The following EPRS1 variants were observed in gnomAD, a reference collection of about 807,000 sequenced individuals.
EPRS1 encodes the protein glutamyl-prolyl-tRNA synthetase 1.
EPRS1 carries 107 observed loss-of-function variants against 188.3 expected under a neutral mutation model. The observed-to-expected ratio is 0.57, with a 90% confidence interval of 0.49 to 0.67. The LOEUF is 0.67. Among genes scored for constraint, EPRS1 ranks in the 30% least tolerant of loss-of-function variants. The pLI, the probability that EPRS1 is intolerant of heterozygous loss-of-function variation, is 0.00. For missense variants in EPRS1, 1,577 were observed against 1,802.2 expected (o/e 0.88, Z 2.26); for synonymous variants, 596 against 593.1 (o/e 1.00, Z -0.07).
rs1341035529 is a variant in EPRS1, at chr1:220,046,452, C to T, written c.-64G>A. On this transcript the variant is annotated 5_prime_UTR_variant, in exon 1 of 32. Coordinates refer to ENST00000366923, the MANE Select transcript of EPRS1 (RefSeq NM_004446.3). ...CTCGTGCCAGAACTACGGAGGACCC[C>T]GCGAAAGGAAGAAGATGCAACGTGT... 6.2e-6 allele frequency: 10 copies of T among 1,602,764 alleles called. No homozygotes were observed. Among genetic ancestry groups the T allele is most frequent in the Non-Finnish European group, 8.5e-6 (10 of 1,175,568 alleles).
chr1:219,982,347 AAC>A (rs1660915120), intron 23 of EPRS1, among the ~76,000 whole-genome samples: 2 of 152,192 alleles, frequency 1.3e-5, no homozygotes, highest in African/African-American at 4.8e-5. Context: ...TTGTAAGAAT[AAC>A]ACGAGATGAC....
At position 220,038,390 on chromosome 1, in the gene EPRS1, C is replaced by CTTTTTTTTTT. The variant is rs71169431; in HGVS notation, c.131+1785_131+1794dup. Among the ~76,000 whole-genome samples the CTTTTTTTTTT allele has an allele frequency of 8.9e-5, 9 of 101,556 alleles. 1 individual carries two copies. The highest frequency in any genetic ancestry group is 2.1e-4 in the African/African-American group (5 of 23,894). The allele number at this position is 101,556 out of a possible 152,430, so 66.6% of individuals were successfully genotyped here. A position where few individuals can be genotyped will look rare whatever the true frequency, so the allele number is the denominator to read the frequency against. ...AGCCACCACACCCAGCTCAGTTTAT[C>CTTTTTTTTTT]TTTTTTTTTTTTTTTTTTGAGACAG... On this transcript the variant is annotated intron_variant, in intron 2 of 31. Transcript: ENST00000366923.
rs770155747 is a variant in EPRS1, at chr1:219,980,233, T to C, written c.3563A>G (p.Gln1188Arg). ...TACCTGAGCATATAAGTCAAGTATC[T>C]GCAAGACCTGTAACATTTTAAATGT... ...TMEEAAEEVL[Q>R]ILDLYAQVYE... Residue 1188 changes from glutamine to arginine, a missense_variant, in exon 26 of 32, where the codon CAG becomes CGG. Gln to Arg is a conservative substitution (Grantham distance 43, BLOSUM62 1). This residue lies in a region of EPRS1 where 1,278 missense variants were observed against 1,457.4 expected (regional missense o/e 0.88). Coordinates refer to ENST00000366923, the MANE Select transcript of EPRS1 (RefSeq NM_004446.3). 4 of 1,609,790 alleles carry C rather than the reference T, an allele frequency of 2.5e-6. No homozygotes were observed. The highest frequency in any genetic ancestry group is 1.1e-5 in the South Asian group (1 of 90,862).
rs772190916 is a variant in EPRS1 at position 219,968,832 on chromosome 1, A to T, written c.4513T>A (p.Tyr1505Asn). 1.2e-6 allele frequency: 2 copies of T among 1,614,176 alleles called. No homozygotes were observed. The highest frequency in any genetic ancestry group is 1.7e-4 in the Middle Eastern group (1 of 6,060). The change falls in exon 32 of 32, where the codon TAC (tyrosine) becomes AAC (asparagine). Residue 1505 changes from tyrosine to asparagine, a missense_variant. By Grantham distance (143) the Tyr-to-Asn change is moderately radical. This residue lies in a region of EPRS1 where 296 missense variants were observed against 327.9 expected (regional missense o/e 0.90). Coordinates refer to ENST00000366923, the MANE Select transcript of EPRS1 (RefSeq NM_004446.3). ...CVCGKNPAKY[Y>N]TLFGRSY The stretch of plus-strand genomic sequence containing the variant: ...CAGTAGCTGCGACCAAATAAGGTGT[A>T]GTACTTGGCAGGGTTCTTGCCACAG...
At chr1:220,035,493 T>C (rs902605367) in intron 2 of EPRS1, among the ~76,000 whole-genome samples, 2 of 152,158 alleles carry the variant, frequency 1.3e-5, no homozygotes, top group South Asian at 2.1e-4. Context: ...GGTGCAAATA[T>C]GAAAATATAA....
chr1:220,022,476 C>G lies in EPRS1; in HGVS notation c.986G>C (p.Gly329Ala). 1 of 1,613,704 alleles carries G rather than the reference C, an allele frequency of 6.2e-7. No individual in the cohort carries two copies. The highest frequency in any genetic ancestry group is 8.5e-7 in the Non-Finnish European group (1 of 1,179,854). Residue 329 changes from glycine (G) to alanine (A), a missense_variant, in exon 9 of 32, where the codon GGG becomes GCG. By Grantham distance (60) the Gly-to-Ala change is moderately conservative. Transcript: ENST00000366923. ...NLQMWEEMKK[G>A]SQFGQSCCLR... ...ACAACAGGACTGACCAAACTGGCTC[C>G]CTTTTTTCATTTCTTCCCACATTTG... is the stretch of plus-strand genomic sequence containing the variant.
rs80276593 is a variant in EPRS1, at chr1:220,019,557, T to C, written c.1349+431A>G. Among the ~76,000 whole-genome samples, 776 of 152,340 alleles carry C rather than the reference T, an allele frequency of 5.1e-3. 6 individuals are homozygous for C. Among genetic ancestry groups the C allele is most frequent in the African/African-American group, 0.018 (752 of 41,584 alleles). On this transcript the variant is annotated intron_variant, in intron 10 of 31. Coordinates refer to ENST00000366923, the MANE Select transcript of EPRS1 (RefSeq NM_004446.3). ...TCTGCAAACCTCAGTAAGTATGCAG[T>C]AATACCCTTTTCATGGAGCTCAAGA... is the stretch of plus-strand genomic sequence containing the variant.
chr1:219,988,321 G>A (rs2789798), intron 19 of EPRS1, among the ~76,000 whole-genome samples: 91,564 of 151,896 alleles, frequency 0.6, 28,629 homozygotes, highest in Non-Finnish European at 0.7. Flanking sequence ...GATCTTACAG[G>A]TTGGAGGGAA....
chr1:220,022,309 CAGA>C, intron 9 of EPRS1, 35 bp downstream of exon 9: 1 of 1,549,476 alleles, frequency 6.5e-7, no homozygotes, highest in Non-Finnish European at 8.8e-7. Flanking sequence ...AACAAAAGCA[CAGA>C]TGGCTACCTA....
Position 220,012,356 on chromosome 1 carries a change from C to T in EPRS1, c.1495-1300G>A, listed in dbSNP as rs7544184. On this transcript the variant is annotated intron_variant, in intron 12 of 31. Transcript: ENST00000366923. ...TATTTAAGTCAGTAAGACATAATTTCTTTAAAAAAACTAAAACTAGACAAC... is the reference window on the plus strand; with the variant it reads ...TATTTAAGTCAGTAAGACATAATTTTTTTAAAAAAACTAAAACTAGACAAC... 6.2e-3 allele frequency among the ~76,000 whole-genome samples: 948 copies of T among 152,290 alleles called. 10 individuals are homozygous for T. Among genetic ancestry groups the T allele is most frequent in the African/African-American group, 0.021 (891 of 41,568 alleles).
intron 28 of EPRS1, among the ~76,000 whole-genome samples, chr1:219,974,240 G>T (rs989231411): frequency 6.6e-6 from 1 of 152,158 alleles, no homozygotes; most frequent in Non-Finnish European, 1.5e-5. Context: ...CACCGTACTT[G>T]GCCAAGAGTT....
chr1:219,973,269 A>C lies in EPRS1; in HGVS notation c.4213T>G (p.Leu1405Val). The C allele has an allele frequency of 5.6e-6, 9 of 1,613,154 alleles. No individual in the cohort carries two copies. Among genetic ancestry groups the C allele is most frequent in the Non-Finnish European group, 7.6e-6 (9 of 1,179,724 alleles). Residue 1405 changes from leucine (L) to valine (V), a missense_variant, in exon 29 of 32, where the codon TTG becomes GTG. Leu to Val is a conservative substitution (Grantham distance 32, BLOSUM62 1). Coordinates refer to ENST00000366923, the MANE Select transcript of EPRS1 (RefSeq NM_004446.3). ...NEAETKLQAI[L>V]EDIQVTLFTR... The stretch of plus-strand genomic sequence containing the variant: ...AAAAGGGTGACCTGGATGTCTTCCA[A>C]AATAGCTTGAAGTTTAGTCTCTGCC...
intron 28 of EPRS1, among the ~76,000 whole-genome samples, chr1:219,974,766 T>G (rs1660744201): frequency 1.3e-5 from 2 of 152,206 alleles, no homozygotes; most frequent in Non-Finnish European, 2.9e-5. Context: ...TTATACTGGA[T>G]GTATTACATG....
intron 10 of EPRS1, 38 bp from the exon 11 acceptor site, chr1:220,019,117 G>C: frequency 1.6e-6 from 2 of 1,236,360 alleles, no homozygotes; most frequent in Non-Finnish European, 1.2e-6. Flanking sequence ...AGGAAATTTT[G>C]TAATGTGTAG....
chr1:220,040,580 G>A (rs1342247638), intron 1 of EPRS1, among the ~76,000 whole-genome samples: 3 of 152,238 alleles, frequency 2.0e-5, no homozygotes, highest in Non-Finnish European at 4.4e-5. Context: ...GCCAGGCATG[G>A]TGGCTCATGC....
intron 5 of EPRS1, among the ~76,000 whole-genome samples, chr1:220,031,310 G>A (rs1662079058): frequency 6.6e-6 from 1 of 152,188 alleles, no homozygotes; most frequent in Non-Finnish European, 1.5e-5. Context: ...AGTCCTCAGG[G>A]ATAATAGGAC....
chr1:219,997,855 T>A (rs2102574658), intron 17 of EPRS1, among the ~76,000 whole-genome samples: 1 of 152,312 alleles, frequency 6.6e-6, no homozygotes, highest in East Asian at 1.9e-4. Context: ...TTTTTAGAGA[T>A]GAAATACATC....
Position 219,990,478 on chromosome 1 carries a change from A to G in EPRS1, c.2542-1655T>C, listed in dbSNP as rs1415859351. On this transcript the variant is annotated intron_variant, in intron 18 of 31. Transcript: ENST00000366923. ...CACTACACTAAGTGCTTTACGTGGT[A>G]TCTTATTTAACTCTCAAAACAACCC... Among the ~76,000 whole-genome samples, 7 of 152,270 alleles carry G rather than the reference A, an allele frequency of 4.6e-5. No individual in the cohort carries two copies. In the East Asian group the frequency reaches 9.7e-4, roughly 21 times the overall value.
intron 10 of EPRS1, 74 bp from the exon 11 acceptor site, chr1:220,019,153 C>G (rs2245457): frequency 0.83 from 733,050 of 880,668 alleles, 306,733 homozygotes; most frequent in African/African-American, 0.97. Context: ...GATACTTAAT[C>G]AATAATAAAT....
Sources: gnomAD v4.1 joint callset for allele counts (sites outside exome capture counted in the v4.1 genomes callset) on GRCh38, gnomAD v4.1.1 for gene constraint, gnomAD v4.1.1 regional missense constraint, MANE v1.5 for transcripts, NCBI Gene and HGNC (gene_info 2026-07-23, HGNC 2026-07-21) for gene names.